UMODL1: variants seen among roughly 807,000 people sequenced by gnomAD.
The protein encoded by UMODL1 is uromodulin-like 1.
In UMODL1, 128 loss-of-function variants were observed where a neutral mutation model predicts 136.3. The ratio of observed to expected loss-of-function variants is 0.94; its 90% CI spans 0.81 to 1.09. The LOEUF (loss-of-function observed/expected upper bound fraction) is 1.09, where lower values mean the gene tolerates loss of function less well. Among genes scored for constraint, UMODL1 ranks in the 50% least tolerant of loss-of-function variants. The probability of loss-of-function intolerance (pLI) is 0.00; values close to 1 mark genes in which losing one functional copy is unlikely to be tolerated. For synonymous variants in UMODL1, 721 were observed against 720.0 expected (o/e 1.00, Z -0.02); for missense variants, 1,766 against 1,725.6 (o/e 1.02, Z -0.41).
chr21:42,112,528 TCCCCAGCTGTTCTGCAC>T (rs1164774255), intron 12 of UMODL1, among the ~76,000 whole-genome samples: 25 of 149,276 alleles, frequency 1.7e-4, no homozygotes, highest in South Asian at 4.3e-4. Context: ...ATTCTGTATC[TCCCCAGCTGTTCTGCAC>T]CCCCAGCTGT....
chr21:42,127,007 GT>G lies in UMODL1; in HGVS notation c.3298del (p.Tyr1100ThrfsTer55). On this transcript the variant is annotated frameshift_variant and splice_region_variant, in exon 19 of 23. Transcript: ENST00000408910. LOFTEE classifies it high-confidence loss of function. ...TSSGFTLEWG[V>X]YTIIEDLHGA... is the part of the protein sequence containing the mutation. ...CCTGCAAGCTGCTTCCTCTTGCAGG[GT>G]TTACACCATCATCGAGGACCTCCAC... 6.2e-7 allele frequency: 1 copy of G among 1,613,976 alleles called. No homozygotes were observed.
rs1024773149 is a variant in UMODL1, at chr21:42,134,839, T to A, written c.3776-2600T>A. Among the ~76,000 whole-genome samples the A allele has an allele frequency of 9.9e-5, 15 of 152,026 alleles. No individual in the cohort carries two copies. In the South Asian group the frequency reaches 2.7e-3, roughly 27 times the overall value. On this transcript the variant is annotated intron_variant, in intron 21 of 22. Coordinates refer to ENST00000408910, the MANE Select transcript of UMODL1 (RefSeq NM_001004416.3). ...GGGGGTTTTACCATGTTGGCCAGGA[T>A]GGTCTTGATCTCCTGACCTTGTGAT... is the stretch of plus-strand genomic sequence containing the variant.
In UMODL1 at chr21:42,085,210, C is replaced by T. The variant is rs2066411518; in HGVS notation, c.482-81C>T. On this transcript the variant is annotated intron_variant, in intron 3 of 22. Coordinates refer to ENST00000408910, the MANE Select transcript of UMODL1 (RefSeq NM_001004416.3). This position sits in a 1 kb window ranked among gnomAD's most constrained non-coding sequence, Gnocchi z 4.5. Reference sequence around the variant, plus strand: ...CTCTCATGGCCTCTGGTTCCCTCTCCTGCCCCCTCTCCCACCCCAGCAGCT... The same window carrying T: ...CTCTCATGGCCTCTGGTTCCCTCTCTTGCCCCCTCTCCCACCCCAGCAGCT... 1.3e-6 allele frequency: 2 copies of T among 1,550,220 alleles called. No individual in the cohort carries two copies. The highest frequency in any genetic ancestry group is 1.2e-5 in the South Asian group (1 of 81,430).
Position 42,071,339 on chromosome 21 carries a change from C to T in UMODL1, c.23C>T (p.Ala8Val), listed in dbSNP as rs1292744492. Reference protein sequence around the residue: MLRTSGLALLALVSAVGP... With the variant: MLRTSGLVLLALVSAVGP... ...ACGATGCTCAGGACCTCGGGGCTGG[C>T]ACTGCTGGCTCTGGTCAGTGCTGTG... Residue 8 changes from alanine to valine, a missense_variant, in exon 1 of 23, where the codon GCA becomes GTA. Coordinates refer to ENST00000408910, the MANE Select transcript of UMODL1 (RefSeq NM_001004416.3). 3 of 1,596,034 alleles carry T rather than the reference C, an allele frequency of 1.9e-6. No individual in the cohort carries two copies. Among genetic ancestry groups the T allele is most frequent in the Non-Finnish European group, 2.6e-6 (3 of 1,171,594 alleles).
Position 42,127,024 on chromosome 21 carries a change from G to A in UMODL1, c.3312G>A (p.Glu1104=), listed in dbSNP as rs751810693. 5 of 1,614,126 alleles carry A rather than the reference G, an allele frequency of 3.1e-6. No homozygotes were observed. The highest frequency in any genetic ancestry group is 4.2e-6 in the Non-Finnish European group (5 of 1,180,014). ...CTTGCAGGGTTTACACCATCATCGA[G>A]GACCTCCACGGCGCTGGGAATTTTG... is the stretch of plus-strand genomic sequence containing the variant. The part of the protein sequence containing the change: ...TLEWGVYTII[E]DLHGAGNFVT... Residue 1104 remains glutamate, a synonymous_variant, in exon 19 of 23, where the codon GAG becomes GAA. Coordinates refer to ENST00000408910, the MANE Select transcript of UMODL1 (RefSeq NM_001004416.3).
chr21:42,080,859 G>T (rs1334136243), intron 2 of UMODL1, among the ~76,000 whole-genome samples: 1 of 152,230 alleles, frequency 6.6e-6, no homozygotes, highest in African/African-American at 2.4e-5. Flanking sequence ...TGACTCCACT[G>T]CATGCTTTTA....
Position 42,111,510 on chromosome 21 carries a change from A to G in UMODL1, c.1904A>G (p.Gln635Arg), listed in dbSNP as rs2066829985. ...CCACTGGCCCTCCCTGGACAGCTAC[A>G]GGGAAACTCCATCATGGAGCCACCC... is the stretch of plus-strand genomic sequence containing the variant. ...NTGKGVEQEL[Q>R]GNSIMEPPSW... Residue 635 changes from glutamine to arginine, a missense_variant, in exon 12 of 23, where the codon CAG becomes CGG. Coordinates refer to ENST00000408910, the MANE Select transcript of UMODL1 (RefSeq NM_001004416.3). 1 of 1,613,664 alleles carries G rather than the reference A, an allele frequency of 6.2e-7. No individual in the cohort carries two copies. Among genetic ancestry groups the G allele is most frequent in the African/African-American group, 1.3e-5 (1 of 74,914 alleles).
chr21:42,086,242 G>A (rs2066425276), intron 4 of UMODL1, among the ~76,000 whole-genome samples: 2 of 152,332 alleles, frequency 1.3e-5, no homozygotes, highest in African/African-American at 2.4e-5. Flanking sequence ...TGTTGCCTCT[G>A]GAAATGCCGA....
chr21:42,103,383 A>G, intron 8 of UMODL1: 4 of 306,182 alleles, frequency 1.3e-5, no homozygotes, highest in South Asian at 9.0e-5. Flanking sequence ...CCAGGCTGGT[A>G]TCTCCCTTGC....
chr21:42,086,718 C>T (rs1446827885), intron 4 of UMODL1: 2 of 440,374 alleles, frequency 4.5e-6, no homozygotes, highest in Non-Finnish European at 9.2e-6. Context: ...GTAATCCCAG[C>T]ACTTTGGGAG....
At position 42,119,011 on chromosome 21, in the gene UMODL1, A is replaced by G. The variant is rs144773800; in HGVS notation, c.2476-100A>G. ...TGGCTTTTACTTTGTGCCACGGGCC[A>G]GCCCTGCTGCTGGGCAGACTGGCAG... On this transcript the variant is annotated intron_variant, in intron 14 of 22. Transcript: ENST00000408910. 1,238 of 1,251,074 alleles carry G rather than the reference A, an allele frequency of 9.9e-4. 15 individuals carry two copies. The African/African-American group carries it at 0.017, about 17-fold the overall frequency. The allele number at this position is 1,251,074 out of a possible 1,614,324, so 77.5% of individuals were successfully genotyped here.
chr21:42,092,732 A>G (rs1209056049), intron 6 of UMODL1, among the ~76,000 whole-genome samples: 1 of 152,228 alleles, frequency 6.6e-6, no homozygotes, highest in African/African-American at 2.4e-5. Context: ...TTTGTTCACA[A>G]TAACACCACA....
At chr21:42,133,057 ATTCT>A (rs2067154491) in intron 21 of UMODL1, among the ~76,000 whole-genome samples, 1 of 152,270 alleles carries the variant, frequency 6.6e-6, no homozygotes, top group South Asian at 2.1e-4. Context: ...GTTGTTCAAC[ATTCT>A]TTCTCATTGT....
At chr21:42,130,642 G>C (rs1189650985) in intron 21 of UMODL1, among the ~76,000 whole-genome samples, 2 of 152,006 alleles carry the variant, frequency 1.3e-5, no homozygotes, top group Non-Finnish European at 1.5e-5. Context: ...ACACGTAAGT[G>C]GAAAAGTCAT....
chr21:42,084,795 A>C (rs1286523043), intron 3 of UMODL1, among the ~76,000 whole-genome samples: 3 of 144,902 alleles, frequency 2.1e-5, no homozygotes, highest in African/African-American at 7.7e-5. Flanking sequence ...TATGGTATGC[A>C]GTAATAAAGC....
intron 21 of UMODL1, among the ~76,000 whole-genome samples, chr21:42,134,253 C>A (rs935034353): frequency 6.6e-6 from 1 of 152,332 alleles, no homozygotes; most frequent in South Asian, 2.1e-4. Flanking sequence ...TGTATATTGA[C>A]AATTTAAGAA....
At chr21:42,065,027 TTC>T (rs2066171880) in intron 1 of UMODL1, among the ~76,000 whole-genome samples, 1 of 152,236 alleles carries the variant, frequency 6.6e-6, no homozygotes, top group Non-Finnish European at 1.5e-5. Context: ...AATGTACACC[TTC>T]TCTCTTTTCC....
chr21:42,078,685 C>T (rs113621391), intron 2 of UMODL1, among the ~76,000 whole-genome samples: 22 of 126,626 alleles, frequency 1.7e-4, no homozygotes, highest in Admixed American at 3.0e-4. Context: ...CCATCACCAA[C>T]AGAAACCAGG....
At position 42,127,064 on chromosome 21, in the gene UMODL1, T is replaced by G. The variant is rs776165510; in HGVS notation, c.3352T>G (p.Leu1118Val). ...TGGGAATTTTGTTACCGAAATGCAG[T>G]TGTTTATCGGAGACTCTCCCATACC... is the stretch of plus-strand genomic sequence containing the variant. The part of the protein sequence containing the change: ...GAGNFVTEMQ[L>V]FIGDSPIPQN... The change falls in exon 19 of 23, where the codon TTG becomes GTG. Residue 1118 changes from leucine to valine, a missense_variant. Coordinates refer to ENST00000408910, the MANE Select transcript of UMODL1 (RefSeq NM_001004416.3). 4.3e-6 allele frequency: 7 copies of G among 1,614,162 alleles called. No homozygotes were observed. In the Admixed American group the frequency reaches 1.0e-4, roughly 23 times the overall value.
Sources: allele counts gnomAD v4.1 joint callset (sites outside exome capture counted in the v4.1 genomes callset), GRCh38; gene constraint gnomAD v4.1.1; non-coding constraint Gnocchi (gnomAD v3.1); transcripts MANE v1.5; gene names NCBI Gene and HGNC (gene_info 2026-07-23, HGNC 2026-07-21).